The following NRXN3 variants were observed in gnomAD, a reference collection of about 807,000 sequenced individuals.
The protein encoded by NRXN3 is neurexin 3, also known as neurexin III.
A neutral mutation model predicts 137.6 loss-of-function variants in NRXN3; 32 were observed. That is an observed-to-expected ratio of 0.23 (90% confidence interval 0.18 to 0.31). The LOEUF is 0.31. NRXN3 is among the 10% of genes least tolerant of loss of function. NRXN3 has a pLI of 1.00. For missense variants in NRXN3, 1,574 were observed against 2,062.5 expected (o/e 0.76, Z 4.59); for synonymous variants, 798 against 784.5 (o/e 1.02, Z -0.29).
chr14:79,193,130 G>T (rs955701101), intron 15 of NRXN3, among the ~76,000 whole-genome samples: 1 of 55,292 alleles, frequency 1.8e-5, no homozygotes, highest in Non-Finnish European at 3.4e-5. Context: ...TCATAGAAGG[G>T]TTTTAAAGAC....
chr14:78,587,326 G>C (rs1485873940), intron 4 of NRXN3, among the ~76,000 whole-genome samples: 1 of 152,288 alleles, frequency 6.6e-6, no homozygotes, highest in Middle Eastern at 3.4e-3. Context: ...TCTGTGGACA[G>C]GTAGTATCAG....
rs550478813 is a variant in NRXN3 at position 79,175,142 on chromosome 14, G to A, written c.3262+187001G>A. 4.6e-4 allele frequency among the ~76,000 whole-genome samples: 70 copies of A among 151,954 alleles called. No individual in the cohort carries two copies. The South Asian group carries it at 0.01, about 22-fold the overall frequency. On this transcript the variant is annotated intron_variant, in intron 15 of 20. Coordinates refer to ENST00000335750, the MANE Select transcript of NRXN3 (RefSeq NM_001330195.2). ...ACTACAGGCGCCCACCACCATATGC[G>A]GCTAATTTTTTGTATTTGTACTAGA... is the stretch of plus-strand genomic sequence containing the variant.
At chr14:79,216,197 G>A (rs1337078496) in intron 15 of NRXN3, among the ~76,000 whole-genome samples, 1 of 152,174 alleles carries the variant, frequency 6.6e-6, no homozygotes, top group Non-Finnish European at 1.5e-5. Flanking sequence ...TTTGAAGGCT[G>A]AAGTTAGCTG....
chr14:79,814,560 G>T (rs2099245907), intron 20 of NRXN3, among the ~76,000 whole-genome samples: 1 of 152,152 alleles, frequency 6.6e-6, no homozygotes, highest in African/African-American at 2.4e-5. Flanking sequence ...TACTCAAACA[G>T]CAAACTGATC....
intron 20 of NRXN3, among the ~76,000 whole-genome samples, chr14:79,819,071 G>A (rs531714303): frequency 2.0e-5 from 3 of 152,188 alleles, no homozygotes; most frequent in African/African-American, 7.2e-5. Flanking sequence ...TGGCAATACT[G>A]TATTGCCCAG....
chr14:79,266,078 T>A (rs1389230980), intron 15 of NRXN3, among the ~76,000 whole-genome samples: 1 of 152,122 alleles, frequency 6.6e-6, no homozygotes, highest in Non-Finnish European at 1.5e-5. Flanking sequence ...AAAATTAAAA[T>A]TTTTAAAAGG....
chr14:79,504,102 A>G (rs2096850330), intron 16 of NRXN3, among the ~76,000 whole-genome samples: 1 of 152,122 alleles, frequency 6.6e-6, no homozygotes, highest in South Asian at 2.1e-4. Flanking sequence ...CCAGGTACCA[A>G]TCAGTTGTTT....
chr14:78,641,208 T>C (rs1187248728), intron 4 of NRXN3, among the ~76,000 whole-genome samples: 1 of 152,204 alleles, frequency 6.6e-6, no homozygotes, highest in East Asian at 1.9e-4. Flanking sequence ...CAACTTAGTA[T>C]GGTTTTCAAG....
chr14:79,499,017 C>G (rs149747861), intron 16 of NRXN3, among the ~76,000 whole-genome samples: 32 of 152,256 alleles, frequency 2.1e-4, no homozygotes, highest in African/African-American at 7.2e-4. Flanking sequence ...ATTCCTCTTT[C>G]TAGTTTTCTC....
intron 6 of NRXN3, among the ~76,000 whole-genome samples, chr14:78,662,650 A>G (rs1201381019): frequency 6.6e-6 from 1 of 152,174 alleles, no homozygotes; most frequent in Non-Finnish European, 1.5e-5. Context: ...TATATGATAG[A>G]TCTATAGTTC....
At chr14:79,823,859 G>A (rs1391511138) in intron 20 of NRXN3, 2 of 440,432 alleles carry the variant, frequency 4.5e-6, no homozygotes, top group Non-Finnish European at 9.3e-6. Context: ...GCTCTATATA[G>A]CTTAACACAT....
At chr14:78,653,402 T>C (rs972047157) in intron 6 of NRXN3, among the ~76,000 whole-genome samples, 2 of 152,216 alleles carry the variant, frequency 1.3e-5, no homozygotes, top group African/African-American at 4.8e-5. Flanking sequence ...ACCAAGGACA[T>C]GGCTCAGGAA....
chr14:78,703,914 A>T (rs17835614), intron 6 of NRXN3: 11,234 of 152,330 alleles, frequency 0.074, 438 homozygotes, highest in Middle Eastern at 0.17. Context: ...ATTCCTTGTC[A>T]GGAGAAATAG....
intron 15 of NRXN3, among the ~76,000 whole-genome samples, chr14:79,006,536 T>C (rs1486136008): frequency 2.0e-5 from 3 of 152,178 alleles, no homozygotes. Flanking sequence ...ATTTTTAACT[T>C]TATAAGATTT....
At chr14:79,785,542 TC>T (rs2099126847) in intron 19 of NRXN3, among the ~76,000 whole-genome samples, 3 of 152,170 alleles carry the variant, frequency 2.0e-5, no homozygotes, top group African/African-American at 7.2e-5. Flanking sequence ...CCAAAGACCA[TC>T]ATCCCCATGA....
At chr14:79,497,008 G>A (rs1010216228) in intron 16 of NRXN3, among the ~76,000 whole-genome samples, 1 of 152,232 alleles carries the variant, frequency 6.6e-6, no homozygotes, top group Non-Finnish European at 1.5e-5. Context: ...GGGACTAGGT[G>A]AGAGGGGAGC....
intron 16 of NRXN3, among the ~76,000 whole-genome samples, chr14:79,477,406 C>T (rs964046576): frequency 5.3e-5 from 8 of 152,002 alleles, no homozygotes; most frequent in African/African-American, 1.9e-4. Flanking sequence ...TTGACTACTC[C>T]GTAAAATGCA....
intron 15 of NRXN3, among the ~76,000 whole-genome samples, chr14:79,049,049 AAAAAAAAAAAAAAAAAAAAAAAAAATAAT>A (rs1299897689): frequency 9.6e-4 from 59 of 61,214 alleles, no homozygotes; most frequent in African/African-American, 3.6e-3. Flanking sequence ...AAAAAAAAAA[AAAAAAAAAAAAAAAAAAAAAAAAAATAAT>A]AATAATAATA....
At chr14:79,527,986 T>A (rs1245488838) in intron 16 of NRXN3, among the ~76,000 whole-genome samples, 1 of 152,022 alleles carries the variant, frequency 6.6e-6, no homozygotes, top group Non-Finnish European at 1.5e-5. Flanking sequence ...TATTTCTATA[T>A]CTTGCTGATG....
Sources: gnomAD v4.1 joint callset for allele counts (sites outside exome capture counted in the v4.1 genomes callset) on GRCh38, gnomAD v4.1.1 for gene constraint, MANE v1.5 for transcripts, NCBI Gene and HGNC (gene_info 2026-07-23, HGNC 2026-07-21) for gene names.